Variants in GULP1 observed in about 807,000 individuals in gnomAD.
The protein encoded by GULP1 is GULP PTB domain containing engulfment adaptor 1, also known as PTB domain-containing engulfment adapter protein 1.
In GULP1, 19 loss-of-function variants were observed where a neutral mutation model predicts 40.9. The observed-to-expected ratio is 0.46, with a 90% CI of 0.32 to 0.68. The LOEUF (loss-of-function observed/expected upper bound fraction) is 0.68, where lower values mean the gene tolerates loss of function less well. GULP1 is among the 30% of genes least tolerant of loss of function. GULP1 has a pLI of 0.03. For synonymous variants in GULP1, 119 were observed against 117.6 expected, an observed-to-expected ratio of 1.01 and a Z score of -0.08; for missense variants, 312 against 362.2, an observed-to-expected ratio of 0.86 and a Z score of 1.12.
chr2:188,516,850 C>T (rs942120558), intron 4 of GULP1, among the ~76,000 whole-genome samples: 2 of 152,132 alleles, frequency 1.3e-5, no homozygotes, highest in African/African-American at 4.8e-5. Context: ...CTTTTGCACT[C>T]TCTGTTTCCT....
intron 2 of GULP1, among the ~76,000 whole-genome samples, chr2:188,418,478 A>G (rs2054892094): frequency 6.6e-6 from 1 of 151,970 alleles, no homozygotes; most frequent in African/African-American, 2.4e-5. Flanking sequence ...CTAAAAATAC[A>G]AAAAATTAGC....
At chr2:188,555,090 A>C (rs1694409873) in intron 7 of GULP1, among the ~76,000 whole-genome samples, 1 of 152,126 alleles carries the variant, frequency 6.6e-6, no homozygotes, top group Admixed American at 6.5e-5. Context: ...TTAAAAAATC[A>C]ATTCATTCAT....
intron 1 of GULP1, among the ~76,000 whole-genome samples, chr2:188,328,592 C>T (rs1490218881): frequency 6.6e-6 from 1 of 152,088 alleles, no homozygotes; most frequent in Admixed American, 6.6e-5. Context: ...TGCTCTTCTG[C>T]CCTATGGTTT....
chr2:188,313,630 G>GT (rs5837086), intron 1 of GULP1, among the ~76,000 whole-genome samples: 19,048 of 152,002 alleles, frequency 0.13, 1,362 homozygotes, highest in Middle Eastern at 0.17. Context: ...ATTTAAAGTA[G>GT]TTTTTTCTAA....
At chr2:188,433,925 C>T (rs1030349261) in intron 2 of GULP1, among the ~76,000 whole-genome samples, 10 of 126,166 alleles carry the variant, frequency 7.9e-5, no homozygotes, top group African/African-American at 2.7e-4. Flanking sequence ...GTCCTCTCTA[C>T]CTTATACCTT....
rs117080089 is a variant in GULP1, at chr2:188,393,176, G to A, written c.-45+9287G>A. ...ATTTATCTAGTGCTGTCAGTGCCACGTTGAAGTCCCCCCGCGATTACTATG... is the reference window on the plus strand; with the variant it reads ...ATTTATCTAGTGCTGTCAGTGCCACATTGAAGTCCCCCCGCGATTACTATG... On this transcript the variant is annotated intron_variant, in intron 2 of 11. Transcript: ENST00000409830. Among the ~76,000 whole-genome samples, 42 of 151,490 alleles carry A rather than the reference G, an allele frequency of 2.8e-4. No individual in the cohort carries two copies. In the East Asian group the frequency reaches 3.1e-3, roughly 11 times the overall value.
chr2:188,368,970 T>C (rs1483422413), intron 1 of GULP1, among the ~76,000 whole-genome samples: 1 of 132,440 alleles, frequency 7.6e-6, no homozygotes, highest in East Asian at 2.1e-4. Flanking sequence ...TATATATATA[T>C]ATATATATTT....
At chr2:188,331,094 A>G (rs1279172753) in intron 1 of GULP1, among the ~76,000 whole-genome samples, 2 of 152,212 alleles carry the variant, frequency 1.3e-5, no homozygotes, top group Non-Finnish European at 2.9e-5. Flanking sequence ...CGCTAATTTC[A>G]CAACCATCTT....
chr2:188,295,649 A>T (rs1407999672), intron 1 of GULP1, among the ~76,000 whole-genome samples: 2 of 152,166 alleles, frequency 1.3e-5, no homozygotes, highest in Non-Finnish European at 2.9e-5. Flanking sequence ...GAGAAAACAG[A>T]ATAAGTATAG....
At chr2:188,314,067 C>G (rs1478503251) in intron 1 of GULP1, among the ~76,000 whole-genome samples, 1 of 151,164 alleles carries the variant, frequency 6.6e-6, no homozygotes, top group Admixed American at 6.6e-5. Context: ...GGATCTAGTG[C>G]TGGCATGAAG....
At chr2:188,367,019 T>G (rs1313651148) in intron 1 of GULP1, among the ~76,000 whole-genome samples, 3 of 152,236 alleles carry the variant, frequency 2.0e-5, no homozygotes. Flanking sequence ...GCACATATTT[T>G]TATTTGTTGT....
intron 6 of GULP1, among the ~76,000 whole-genome samples, chr2:188,539,426 C>G (rs1466593315): frequency 6.6e-6 from 1 of 151,854 alleles, no homozygotes; most frequent in Non-Finnish European, 1.5e-5. Context: ...GGAAACTGTT[C>G]TAATAGGCAA....
intron 7 of GULP1, among the ~76,000 whole-genome samples, chr2:188,543,506 T>G (rs1691086479): frequency 6.6e-6 from 1 of 152,208 alleles, no homozygotes; most frequent in Non-Finnish European, 1.5e-5. Flanking sequence ...TCAGTGCTAA[T>G]TATAATGATG....
At chr2:188,334,625 A>C (rs1212645153) in intron 1 of GULP1, among the ~76,000 whole-genome samples, 1 of 152,210 alleles carries the variant, frequency 6.6e-6, no homozygotes, top group Non-Finnish European at 1.5e-5. Flanking sequence ...TCCCTCGCTC[A>C]GCAGCATTTG....
intron 2 of GULP1, among the ~76,000 whole-genome samples, chr2:188,394,356 G>GTCTT (rs1359238521): frequency 6.6e-6 from 1 of 151,774 alleles, no homozygotes; most frequent in Non-Finnish European, 1.5e-5. Context: ...CCCTAAATGT[G>GTCTT]TCTTTCATTT....
rs189408211 is a variant in GULP1 at position 188,394,700 on chromosome 2, T to A, written c.-45+10811T>A. Among the ~76,000 whole-genome samples, 9 of 152,210 alleles carry A rather than the reference T, an allele frequency of 5.9e-5. No individual in the cohort carries two copies. The East Asian group carries it at 1.5e-3, about 26-fold the overall frequency. On this transcript the variant is annotated intron_variant, in intron 2 of 11. Transcript: ENST00000409830. ...TTAATTTGTTTTTGATTTGACTTTT[T>A]AAAAAAAATTCCTTTTGTCTCCATT...
intron 1 of GULP1, among the ~76,000 whole-genome samples, chr2:188,316,144 G>T (rs1283262648): frequency 6.6e-6 from 1 of 151,960 alleles, no homozygotes; most frequent in African/African-American, 2.4e-5. Context: ...CTCTCTTTTT[G>T]CTTGTATGCC....
chr2:188,510,047 C>T (rs2064346077), intron 4 of GULP1, among the ~76,000 whole-genome samples: 1 of 151,980 alleles, frequency 6.6e-6, no homozygotes, highest in Non-Finnish European at 1.5e-5. Flanking sequence ...ATGGTAAGCC[C>T]TGAAAGATGA....
At chr2:188,304,904 GT>G (rs965647044) in intron 1 of GULP1, among the ~76,000 whole-genome samples, 20 of 152,170 alleles carry the variant, frequency 1.3e-4, no homozygotes, top group African/African-American at 3.9e-4. Context: ...AAATATATGG[GT>G]TTTTTTCCCC....
Sources: allele counts gnomAD v4.1 joint callset (sites outside exome capture counted in the v4.1 genomes callset), GRCh38; gene constraint gnomAD v4.1.1; transcripts MANE v1.5; gene names NCBI Gene and HGNC (gene_info 2026-07-23, HGNC 2026-07-21).